The following CBR4 variants were observed in gnomAD, a reference collection of about 807,000 sequenced individuals.
The protein encoded by CBR4 is 3-oxoacyl-[acyl-carrier-protein] reductase.
A neutral mutation model predicts 21.0 loss-of-function variants in CBR4; 22 were observed. The observed-to-expected ratio is 1.05, with a 90% CI of 0.75 to 1.50. The LOEUF (loss-of-function observed/expected upper bound fraction) is 1.50, where lower values mean the gene tolerates loss of function less well. Among genes scored for constraint, CBR4 ranks in the 40% most tolerant of loss-of-function variants. The pLI, the probability that CBR4 is intolerant of heterozygous loss-of-function variation, is 0.00. For missense variants in CBR4, 302 were observed against 286.3 expected, an observed-to-expected ratio of 1.05 and a Z score of -0.40; for synonymous variants, 100 against 104.4, an observed-to-expected ratio of 0.96 and a Z score of 0.26.
intron 2 of CBR4, among the ~76,000 whole-genome samples, chr4:168,933,004 T>C (rs770778061): frequency 6.6e-6 from 1 of 152,064 alleles, no homozygotes; most frequent in Non-Finnish European, 1.5e-5. Flanking sequence ...TAAAATTCAC[T>C]TGTAGAGCTG....
At chr4:168,917,338 A>G (rs1760391444) in intron 2 of CBR4, among the ~76,000 whole-genome samples, 1 of 152,082 alleles carries the variant, frequency 6.6e-6, no homozygotes, top group African/African-American at 2.4e-5. Flanking sequence ...ATGAGCCACC[A>G]CACCCGGCCT....
At chr4:168,974,449 T>C (rs1051578159) in intron 2 of CBR4, among the ~76,000 whole-genome samples, 6 of 152,352 alleles carry the variant, frequency 3.9e-5, no homozygotes, top group African/African-American at 1.4e-4. Context: ...TTTAGATGTC[T>C]AGATCTCTGG....
Position 168,921,642 on chromosome 4 carries a change from A to T in CBR4, n.170-26877T>A. On this transcript the variant is annotated intron_variant and non_coding_transcript_variant, in intron 2 of 3. Coordinates refer to the CBR4 transcript ENST00000509108. Reference sequence around the variant, plus strand: ...GCGTGAGAACGGGGTGCACTCTCTGATCATAGAGCCAGTCACGTCACGTGA... The same window carrying T: ...GCGTGAGAACGGGGTGCACTCTCTGTTCATAGAGCCAGTCACGTCACGTGA... The T allele has an allele frequency of 6.2e-7, 1 of 1,611,276 alleles. No homozygotes were observed.
intron 2 of CBR4, among the ~76,000 whole-genome samples, chr4:168,949,037 T>G (rs1763469819): frequency 2.0e-5 from 3 of 152,210 alleles, no homozygotes; most frequent in Non-Finnish European, 4.4e-5. Context: ...ATCTGTGATT[T>G]CTTTCAGCAG....
At chr4:169,006,344 A>C (rs1431994373) in intron 3 of CBR4, among the ~76,000 whole-genome samples, 1 of 152,198 alleles carries the variant, frequency 6.6e-6, no homozygotes, top group Admixed American at 6.5e-5. Flanking sequence ...CTATTTAAAA[A>C]AAAAAAAATT....
intron 2 of CBR4, among the ~76,000 whole-genome samples, chr4:168,960,715 TC>T (rs1763824965): frequency 6.6e-6 from 1 of 152,216 alleles, no homozygotes; most frequent in African/African-American, 2.4e-5. Flanking sequence ...ATATTTACTT[TC>T]TTAAATCCAT....
intron 4 of CBR4, among the ~76,000 whole-genome samples, chr4:168,996,596 C>T (rs1765214721): frequency 6.6e-6 from 1 of 152,084 alleles, no homozygotes; most frequent in African/African-American, 2.4e-5. Flanking sequence ...GCTAAGGGTT[C>T]ACTCTTTAGA....
intron 2 of CBR4, among the ~76,000 whole-genome samples, chr4:168,917,239 G>A (rs575052431): frequency 7.9e-5 from 12 of 151,320 alleles, no homozygotes; most frequent in African/African-American, 2.7e-4. Flanking sequence ...TAGTACAGAC[G>A]GGGTTTCACC....
intron 2 of CBR4, chr4:168,898,860 TG>T: frequency 1.4e-6 from 1 of 709,326 alleles, no homozygotes; most frequent in South Asian, 1.6e-5. Context: ...TCTTAAGTTC[TG>T]GGCCATCTTC....
intron 2 of CBR4, among the ~76,000 whole-genome samples, chr4:168,946,228 TAGA>T (rs1284588431): frequency 3.3e-5 from 5 of 152,200 alleles, no homozygotes; most frequent in Non-Finnish European, 7.3e-5. Flanking sequence ...TGCTGCTAGT[TAGA>T]AGACTGATGG....
In CBR4 at chr4:168,947,845, C is replaced by T. The variant is rs370952822; in HGVS notation, n.170-53080G>A. ...AATTATGCTGCTATAAATGTGTGTGCAAGTATCTTTTTCATATAATGACTT... is the reference window on the plus strand; with the variant it reads ...AATTATGCTGCTATAAATGTGTGTGTAAGTATCTTTTTCATATAATGACTT... On this transcript the variant is annotated intron_variant and non_coding_transcript_variant, in intron 2 of 3. Coordinates refer to the CBR4 transcript ENST00000509108. Among the ~76,000 whole-genome samples the T allele has an allele frequency of 1.7e-4, 26 of 152,254 alleles. No homozygotes were observed. The East Asian group carries it at 4.6e-3, about 27-fold the overall frequency.
At position 168,990,222 on chromosome 4, in the gene CBR4, C is replaced by A. The variant is rs144487578; in HGVS notation, c.642G>T (p.Val214=). 1 of 1,613,512 alleles carries A rather than the reference C, an allele frequency of 6.2e-7. No homozygotes were observed. The highest frequency in any genetic ancestry group is 2.2e-5 in the East Asian group (1 of 44,808). Residue 214 remains valine (V), a synonymous_variant, in exon 5 of 5, where the codon GTG becomes GTT. Coordinates refer to ENST00000306193, the MANE Select transcript of CBR4 (RefSeq NM_032783.5). ...TAATATACGGTGATTCTAAAAGAAA[C>A]ACAACCGCATGTGCCACCTCAATAG... ...GETIEVAHAV[V]FLLESPYITG... is the part of the protein sequence containing the mutation.
chr4:168,904,493 G>C (rs138892523), intron 2 of CBR4, among the ~76,000 whole-genome samples: 3 of 152,080 alleles, frequency 2.0e-5, no homozygotes, highest in Non-Finnish European at 4.4e-5. Flanking sequence ...GGAGGCTGCT[G>C]GGTATCATGT....
chr4:169,006,623 A>T, intron 3 of CBR4, 132 bp downstream of exon 3: 1 of 854,924 alleles, frequency 1.2e-6, no homozygotes, highest in Non-Finnish European at 1.8e-6. Flanking sequence ...TTAATCAATT[A>T]ATTAAATCCT....
downstream of CBR4, among the ~76,000 whole-genome samples, chr4:168,985,777 C>T (rs1764672063): frequency 6.6e-6 from 1 of 152,174 alleles, no homozygotes; most frequent in Non-Finnish European, 1.5e-5. Context: ...CCTAAGTATC[C>T]TAATACCACA....
chr4:168,964,648 C>T (rs1163355628), intron 2 of CBR4, among the ~76,000 whole-genome samples: 1 of 152,112 alleles, frequency 6.6e-6, no homozygotes, highest in Non-Finnish European at 1.5e-5. Context: ...TAAGAAATAA[C>T]TCTAATGGAG....
chr4:168,922,089 A>ATATATTTATATT (rs1231351664), intron 2 of CBR4, among the ~76,000 whole-genome samples: 2 of 93,500 alleles, frequency 2.1e-5, no homozygotes, highest in African/African-American at 1.2e-4. Flanking sequence ...TTATATTTAT[A>ATATATTTATATT]TATATATATA....
intron 2 of CBR4, among the ~76,000 whole-genome samples, chr4:168,958,716 T>C (rs761052260): frequency 2.0e-4 from 30 of 152,258 alleles, no homozygotes; most frequent in Non-Finnish European, 3.4e-4. Context: ...ATTGGTATTG[T>C]CAGCCTTTTT....
intron 4 of CBR4, among the ~76,000 whole-genome samples, chr4:168,997,967 T>C (rs755996375): frequency 2.6e-5 from 4 of 151,010 alleles, no homozygotes; most frequent in Non-Finnish European, 5.9e-5. Context: ...GTCTTAATAT[T>C]ATATTTGTAG....
Sources: allele counts gnomAD v4.1 joint callset (sites outside exome capture counted in the v4.1 genomes callset), GRCh38; gene constraint gnomAD v4.1.1; transcripts MANE v1.5; gene names NCBI Gene and HGNC (gene_info 2026-07-23, HGNC 2026-07-21).